BMPR2: variants seen among roughly 807,000 people sequenced by gnomAD.
BMPR2 encodes the protein bone morphogenetic protein receptor type 2.
BMPR2 carries 29 observed loss-of-function variants against 100.8 expected under a neutral mutation model. That is an observed-to-expected ratio of 0.29 (90% confidence interval 0.21 to 0.39). BMPR2 has a LOEUF of 0.39. Among genes scored for constraint, BMPR2 ranks in the 10% least tolerant of loss-of-function variants. The pLI is 1.00. For synonymous variants in BMPR2, 382 were observed against 442.3 expected (o/e 0.86, Z 1.71); for missense variants, 1,011 against 1,274.5 (o/e 0.79, Z 3.15).
At chr2:202,481,320 A>G (rs1348279477) in intron 3 of BMPR2, among the ~76,000 whole-genome samples, 2 of 152,096 alleles carry the variant, frequency 1.3e-5, no homozygotes, top group Non-Finnish European at 2.9e-5. Context: ...CTGGGATTAC[A>G]GGCTTGCACT....
intron 10 of BMPR2, among the ~76,000 whole-genome samples, chr2:202,548,176 G>T (rs931717645): frequency 6.6e-6 from 1 of 152,104 alleles, no homozygotes; most frequent in Non-Finnish European, 1.5e-5. Flanking sequence ...GAAACTACCA[G>T]TTCTTTTCAC....
At chr2:202,419,554 A>C (rs1266833669) in intron 1 of BMPR2, among the ~76,000 whole-genome samples, 2 of 152,040 alleles carry the variant, frequency 1.3e-5, no homozygotes, top group Admixed American at 1.3e-4. Context: ...ATGGGGTTTC[A>C]GCATCTTGGC....
chr2:202,516,412 C>T (rs7565875), intron 5 of BMPR2, among the ~76,000 whole-genome samples: 21,957 of 152,130 alleles, frequency 0.14, 1,695 homozygotes, highest in South Asian at 0.25. Flanking sequence ...GTGACTCACA[C>T]CTGTAATCCC....
chr2:202,476,508 G>A (rs959753594), intron 3 of BMPR2, among the ~76,000 whole-genome samples: 1 of 152,122 alleles, frequency 6.6e-6, no homozygotes, highest in Non-Finnish European at 1.5e-5. Context: ...TGTTAAATAG[G>A]CTGGGTGCGG....
chr2:202,541,375 G>A (rs1688269277), intron 9 of BMPR2, among the ~76,000 whole-genome samples: 1 of 141,590 alleles, frequency 7.1e-6, no homozygotes, highest in Admixed American at 6.7e-5. Context: ...GTTACAGTGA[G>A]CTATGATAAT....
intron 3 of BMPR2, among the ~76,000 whole-genome samples, chr2:202,484,205 C>A (rs994482432): frequency 6.6e-6 from 1 of 152,208 alleles, no homozygotes; most frequent in African/African-American, 2.4e-5. Context: ...TCAACTGTTA[C>A]AGGAACTACT....
At chr2:202,414,732 A>T (rs1196198681) in intron 1 of BMPR2, among the ~76,000 whole-genome samples, 1 of 151,996 alleles carries the variant, frequency 6.6e-6, no homozygotes, top group Non-Finnish European at 1.5e-5. Flanking sequence ...CAACACCCTA[A>T]CCCTCAGTCT....
At position 202,555,473 on chromosome 2, in the gene BMPR2, C is replaced by T. The variant is rs1165955715; in HGVS notation, c.1808C>T (p.Thr603Ile). The change falls in exon 12 of 13, where the codon ACA becomes ATA. Residue 603 changes from threonine (T) to isoleucine (I), a missense_variant. Thr to Ile is a moderately conservative substitution (Grantham distance 89, BLOSUM62 -1). Transcript: ENST00000374580. ...CAAGCTCGAATCCCCAGCCCTGAAA[C>T]AAGTGTCACCAGCCTCTCCACCAAC... ...QAQARIPSPE[T>I]SVTSLSTNTT... 2 of 1,614,066 alleles carry T rather than the reference C, an allele frequency of 1.2e-6. No individual in the cohort carries two copies. Among genetic ancestry groups the T allele is most frequent in the Non-Finnish European group, 1.7e-6 (2 of 1,179,964 alleles).
chr2:202,523,344 C>T (rs574813417), intron 7 of BMPR2, among the ~76,000 whole-genome samples: 1 of 152,282 alleles, frequency 6.6e-6, no homozygotes, highest in South Asian at 2.1e-4. Flanking sequence ...GAACTTTAAA[C>T]AGAAATACCA....
intron 1 of BMPR2, among the ~76,000 whole-genome samples, chr2:202,395,291 G>C (rs1186499663): frequency 6.6e-6 from 1 of 152,128 alleles, no homozygotes; most frequent in East Asian, 1.9e-4. Context: ...TTTTCTCTCT[G>C]TAAACTAAGC....
intron 10 of BMPR2, among the ~76,000 whole-genome samples, chr2:202,547,952 G>A (rs1688405776): frequency 6.6e-6 from 1 of 151,994 alleles, no homozygotes. Flanking sequence ...GGACATGGTG[G>A]CAGGTGCCTG....
intron 1 of BMPR2, among the ~76,000 whole-genome samples, chr2:202,405,909 A>G (rs997805431): frequency 1.3e-5 from 2 of 152,188 alleles, no homozygotes; most frequent in African/African-American, 4.8e-5. Context: ...TTAAAATGCA[A>G]ATATAAGAAT....
At chr2:202,451,805 A>G (rs1691992045) in intron 1 of BMPR2, among the ~76,000 whole-genome samples, 1 of 152,046 alleles carries the variant, frequency 6.6e-6, no homozygotes, top group Non-Finnish European at 1.5e-5. Flanking sequence ...GCTGGAGTGC[A>G]ATGGCATGAT....
chr2:202,438,231 T>TC (rs1249401610), intron 1 of BMPR2, among the ~76,000 whole-genome samples: 1 of 150,468 alleles, frequency 6.6e-6, no homozygotes, highest in African/African-American at 2.5e-5. Context: ...GAGAATCGCT[T>TC]GAACCCGGGA....
chr2:202,381,092 A>G (rs770922211), intron 1 of BMPR2, among the ~76,000 whole-genome samples: 8 of 144,686 alleles, frequency 5.5e-5, no homozygotes, highest in Non-Finnish European at 1.0e-4. Context: ...CTTCTGCCTC[A>G]GCCTCCCAAG....
intron 11 of BMPR2, among the ~76,000 whole-genome samples, chr2:202,553,704 T>C (rs1688518598): frequency 6.6e-6 from 1 of 152,204 alleles, no homozygotes; most frequent in Non-Finnish European, 1.5e-5. Context: ...TTGTTTGTTT[T>C]TGGAAACTGT....
At chr2:202,533,486 C>T (rs186008703) in intron 9 of BMPR2, among the ~76,000 whole-genome samples, 8 of 151,710 alleles carry the variant, frequency 5.3e-5, no homozygotes, top group Non-Finnish European at 1.0e-4. Flanking sequence ...AAGATCTTGC[C>T]GTTGCACCCC....
intron 1 of BMPR2, among the ~76,000 whole-genome samples, chr2:202,441,938 C>T (rs1691756107): frequency 6.7e-6 from 1 of 148,844 alleles, no homozygotes; most frequent in Admixed American, 6.6e-5. Flanking sequence ...GAGGCTGAGG[C>T]AGGAGAATCG....
At chr2:202,530,730 A>G (rs970264348) in intron 7 of BMPR2, 64 bp from the exon 8 acceptor site, 3 of 1,385,148 alleles carry the variant, frequency 2.2e-6, no homozygotes, top group African/African-American at 2.9e-5. Flanking sequence ...ATATTTATGT[A>G]TGTTCATTTC....
Sources: allele counts gnomAD v4.1 joint callset (sites outside exome capture counted in the v4.1 genomes callset), GRCh38; gene constraint gnomAD v4.1.1; transcripts MANE v1.5; gene names NCBI Gene and HGNC (gene_info 2026-07-23, HGNC 2026-07-21).